Variants in HSD3B7 observed in about 807,000 individuals in gnomAD.
The protein encoded by HSD3B7 is 3 beta-hydroxysteroid dehydrogenase type 7.
A neutral mutation model predicts 34.3 loss-of-function variants in HSD3B7; 35 were observed. The observed-to-expected ratio is 1.02, with a 90% CI of 0.78 to 1.35. HSD3B7 has a LOEUF of 1.35. Among genes scored for constraint, HSD3B7 ranks in the 40% most tolerant of loss-of-function variants. The probability of loss-of-function intolerance (pLI) is 0.00; values close to 1 mark genes in which losing one functional copy is unlikely to be tolerated. For missense variants in HSD3B7, 426 were observed against 504.7 expected (o/e 0.84, Z 1.49); for synonymous variants, 217 against 220.1 (o/e 0.99, Z 0.13).
At position 30,988,048 on chromosome 16, in the gene HSD3B7, C is replaced by T. The variant is rs149918713; in HGVS notation, c.975C>T (p.Ala325=). ...CCCTGCTGAACCCCTACACGCTGGC[C>T]GTGGCCAACACCACCTTCACCGTCA... The part of the protein sequence containing the change: ...YAPLLNPYTL[A]VANTTFTVST... Residue 325 remains alanine, a synonymous_variant, in exon 7 of 7, where the codon GCC becomes GCT. Coordinates refer to ENST00000297679, the MANE Select transcript of HSD3B7 (RefSeq NM_025193.4). The T allele has an allele frequency of 0.013, 21,023 of 1,606,760 alleles. 181 individuals are homozygous for T. Among genetic ancestry groups the T allele is most frequent in the Non-Finnish European group, 0.016 (18,994 of 1,179,838 alleles).
In HSD3B7 at chr16:30,988,197, G is replaced by A. The variant is rs1305065240; in HGVS notation, c.*14G>A. The A allele has an allele frequency of 6.3e-7, 1 of 1,579,878 alleles. No individual in the cohort carries two copies. Among genetic ancestry groups the A allele is most frequent in the Non-Finnish European group, 8.6e-7 (1 of 1,168,956 alleles). On this transcript the variant is annotated 3_prime_UTR_variant, in exon 7 of 7. Coordinates refer to ENST00000297679, the MANE Select transcript of HSD3B7 (RefSeq NM_025193.4). ...TCAGCCCAGTGACGGTGGGGCTGGG[G>A]CCTGGAGGCCCAGATACAGCACATC...
intron 6 of HSD3B7, chr16:30,987,209 T>TATC: frequency 1.7e-6 from 1 of 605,014 alleles, no homozygotes; most frequent in Non-Finnish European, 2.9e-6. Flanking sequence ...TTAAAAAGTG[T>TATC]ATCATAGGCT....
At chr16:30,987,507 C>G in intron 6 of HSD3B7, 1 of 573,772 alleles carries the variant, frequency 1.7e-6, no homozygotes, top group South Asian at 2.0e-5. Flanking sequence ...GCCACTCCAT[C>G]CTGCAGTCCC....
In HSD3B7 at chr16:30,986,535, A is replaced by T; in HGVS notation, c.431+4A>T. On this transcript the variant is annotated splice_donor_region_variant and intron_variant, in intron 4 of 6. Coordinates refer to ENST00000297679, the MANE Select transcript of HSD3B7 (RefSeq NM_025193.4). Reference sequence around the variant, plus strand: ...CCAAAGGTCACCCCTTCTACAGGTGAGTGGCAGGCCCTCTTGTCCTCTAAG... The same window carrying T: ...CCAAAGGTCACCCCTTCTACAGGTGTGTGGCAGGCCCTCTTGTCCTCTAAG... 6.2e-7 allele frequency: 1 copy of T among 1,613,172 alleles called. No homozygotes were observed. The highest frequency in any genetic ancestry group is 8.5e-7 in the Non-Finnish European group (1 of 1,179,136).
At chr16:30,986,359 TG>T in intron 3 of HSD3B7, 63 bp from the exon 4 acceptor site, 1 of 1,570,140 alleles carries the variant, frequency 6.4e-7, no homozygotes, top group Admixed American at 1.7e-5. Flanking sequence ...GGACCTGGGA[TG>T]GGGAGGAGGA....
At position 30,986,952 on chromosome 16, in the gene HSD3B7, G is replaced by A. The variant is rs1427618795; in HGVS notation, c.644G>A (p.Trp215Ter). The change falls in exon 6 of 7, where the codon TGG (tryptophan) becomes TAG (stop). Residue 215 changes from tryptophan to a stop codon, truncating the protein, a stop_gained. Coordinates refer to ENST00000297679, the MANE Select transcript of HSD3B7 (RefSeq NM_025193.4). LOFTEE classifies it high-confidence loss of function. ...FYRQGLRLGGWLFRAIPASVE... is the reference protein window; with the variant it reads ...FYRQGLRLGG ...CGCCAGGGCCTGCGCCTGGGAGGTTGGCTCTTCCGGGCCATCCCGGCCTCT... is the reference window on the plus strand; with the variant it reads ...CGCCAGGGCCTGCGCCTGGGAGGTTAGCTCTTCCGGGCCATCCCGGCCTCT... 1 of 1,613,498 alleles carries A rather than the reference G, an allele frequency of 6.2e-7. No homozygotes were observed. The highest frequency in any genetic ancestry group is 1.3e-5 in the African/African-American group (1 of 75,072).
rs1029003747 is a variant in HSD3B7, at chr16:30,988,406, C to T, written c.*223C>T. Reference sequence around the variant, plus strand: ...GGAGTGCAGTGGTGTGATCATAGCTCACTGCACCCTCAACCTCCTGGGTTC... The same window carrying T: ...GGAGTGCAGTGGTGTGATCATAGCTTACTGCACCCTCAACCTCCTGGGTTC... On this transcript the variant is annotated 3_prime_UTR_variant, in exon 7 of 7. Transcript: ENST00000297679. 5.4e-6 allele frequency: 3 copies of T among 551,340 alleles called. No individual in the cohort carries two copies. The highest frequency in any genetic ancestry group is 9.7e-6 in the Non-Finnish European group (3 of 308,494). 34.2% of individuals were successfully genotyped at this position (551,340 alleles called of 1,614,324 possible). A position where few individuals can be genotyped will look rare whatever the true frequency, so the allele number is the denominator to read the frequency against.
chr16:30,985,520 T>C (rs2056455332), intron 1 of HSD3B7, 133 bp from the exon 2 acceptor site: 1 of 1,520,162 alleles, frequency 6.6e-7, no homozygotes, highest in Non-Finnish European at 8.8e-7. Flanking sequence ...GCCTGGTTGC[T>C]GCAGCTCCCA....
chr16:30,986,169 C>T lies in HSD3B7; in HGVS notation c.287C>T (p.Ala96Val). ...TAGLVDVFGR[A>V]SPKTIHEVNV... The stretch of plus-strand genomic sequence containing the variant: ...GGGCTGGTAGACGTGTTTGGCAGGG[C>T]CAGTCCCAAGACCATCCATGAGGTC... The change falls in exon 3 of 7, where the codon GCC (alanine) becomes GTC (valine). Residue 96 changes from alanine to valine, a missense_variant. By Grantham distance (64) the Ala-to-Val change is moderately conservative. Transcript: ENST00000297679. The T allele has an allele frequency of 6.2e-7, 1 of 1,614,040 alleles. No homozygotes were observed. The highest frequency in any genetic ancestry group is 8.5e-7 in the Non-Finnish European group (1 of 1,179,996).
chr16:30,988,296 G>A lies in HSD3B7; in HGVS notation c.*113G>A. 1 of 1,006,866 alleles carries A rather than the reference G, an allele frequency of 9.9e-7. No individual in the cohort carries two copies. Among genetic ancestry groups the A allele is most frequent in the Non-Finnish European group, 1.4e-6 (1 of 695,520 alleles). 62.4% of individuals were successfully genotyped at this position (1,006,866 alleles called of 1,614,324 possible). ...TTCCAGAGCAGGAGGCAGGGCTCTG[G>A]GGCCAGAATGGCTGTCCTTGTCGTA... On this transcript the variant is annotated 3_prime_UTR_variant, in exon 7 of 7. Coordinates refer to ENST00000297679, the MANE Select transcript of HSD3B7 (RefSeq NM_025193.4).
chr16:30,988,232 C>A lies in HSD3B7; in HGVS notation c.*49C>A, dbSNP rs2056517779. 3 of 1,528,462 alleles carry A rather than the reference C, an allele frequency of 2.0e-6. No homozygotes were observed. Among genetic ancestry groups the A allele is most frequent in the Admixed American group, 3.9e-5 (2 of 51,494 alleles). 94.7% of individuals were successfully genotyped at this position (1,528,462 alleles called of 1,614,324 possible). ...CCAGATACAGCACATCCACCCAGGT[C>A]CCGAGCCCTCACACCCTGGACGGGA... is the stretch of plus-strand genomic sequence containing the variant. On this transcript the variant is annotated 3_prime_UTR_variant, in exon 7 of 7. Transcript: ENST00000297679.
chr16:30,987,867 A>G lies in HSD3B7; in HGVS notation c.794A>G (p.Tyr265Cys). ...TACTTCTGCTACGATGGATCACCCT[A>G]CAGGAGCTACGAGGATTTCAACATG... ...QVYFCYDGSPYRSYEDFNMEF... is the reference protein window; with the variant it reads ...QVYFCYDGSPCRSYEDFNMEF... The change falls in exon 7 of 7, where the codon TAC (tyrosine) becomes TGC (cysteine). Residue 265 changes from tyrosine (Y) to cysteine (C), a missense_variant. Coordinates refer to ENST00000297679, the MANE Select transcript of HSD3B7 (RefSeq NM_025193.4). The G allele has an allele frequency of 6.2e-7, 1 of 1,613,794 alleles. No individual in the cohort carries two copies.
chr16:30,987,856 TGGATCACCCTACAG>T lies in HSD3B7; in HGVS notation c.785_798del (p.Gly262GlufsTer79). ...GCGGCCAGGTATACTTCTGCTACGATGGATCACCCTACAGGAGCTACGAGGATTTCAACATGGAG... is the reference window on the plus strand; with the variant it reads ...GCGGCCAGGTATACTTCTGCTACGATGAGCTACGAGGATTTCAACATGGAG... On this transcript the variant is annotated frameshift_variant, in exon 7 of 7. Transcript: ENST00000297679. LOFTEE classifies it high-confidence loss of function. 1 of 1,613,700 alleles carries T rather than the reference TGGATCACCCTACAG, an allele frequency of 6.2e-7. No individual in the cohort carries two copies. Among genetic ancestry groups the T allele is most frequent in the Non-Finnish European group, 8.5e-7 (1 of 1,179,980 alleles).
chr16:30,987,603 C>G (rs1484274726), intron 6 of HSD3B7, 165 bp from the exon 7 acceptor site: 2 of 762,934 alleles, frequency 2.6e-6, no homozygotes, highest in Non-Finnish European at 4.5e-6. Flanking sequence ...CCCAGGAGAG[C>G]AAGTGACTAC....
intron 6 of HSD3B7, 78 bp from the exon 7 acceptor site, chr16:30,987,690 G>T (rs2056503624): frequency 2.6e-6 from 4 of 1,528,052 alleles, no homozygotes; most frequent in Non-Finnish European, 3.6e-6. Flanking sequence ...CAAAGAGGGG[G>T]TGGCCCAGGA....
chr16:30,986,392 T>A (rs764747211), intron 3 of HSD3B7, 31 bp from the exon 4 acceptor site: 2 of 1,600,894 alleles, frequency 1.2e-6, no homozygotes, highest in Non-Finnish European at 1.7e-6. Flanking sequence ...GGGAAGAAGC[T>A]GCAGCTTGGA....
rs1406539985 is a variant in HSD3B7 at position 30,987,946 on chromosome 16, C to T, written c.873C>T (p.Pro291=). The T allele has an allele frequency of 3.7e-6, 6 of 1,612,784 alleles. No homozygotes were observed. The highest frequency in any genetic ancestry group is 5.1e-6 in the Non-Finnish European group (6 of 1,180,010). ...TGGTGGGCGCCCGCCCATTGCTGCC[C>T]TACTGGCTGCTGGTGTTCCTGGCTG... ...LRLVGARPLL[P]YWLLVFLAAL... is the part of the protein sequence containing the mutation. Residue 291 remains proline, a synonymous_variant, in exon 7 of 7, where the codon CCC becomes CCT. Transcript: ENST00000297679.
chr16:30,987,558 A>G (rs1349468853), intron 6 of HSD3B7: 2 of 624,844 alleles, frequency 3.2e-6, no homozygotes, highest in African/African-American at 1.8e-5. Context: ...TGGTTTCTCT[A>G]TCCTCTCCCC....
chr16:30,986,584 T>C (rs1240877772), intron 4 of HSD3B7, 21 bp from the exon 5 acceptor site: 6 of 1,613,410 alleles, frequency 3.7e-6, no homozygotes, highest in Non-Finnish European at 5.1e-6. Context: ...CAGCATTGAG[T>C]CTTCCTTCTC....
Sources: gnomAD v4.1 joint callset for allele counts on GRCh38, gnomAD v4.1.1 for gene constraint, MANE v1.5 for transcripts, NCBI Gene and HGNC (gene_info 2026-07-23, HGNC 2026-07-21) for gene names.